Variants in FBLN7 observed in about 807,000 individuals in gnomAD.
The protein encoded by FBLN7 is fibulin 7.
A neutral mutation model predicts 44.0 loss-of-function variants in FBLN7; 31 were observed. The observed-to-expected ratio is 0.70, with a 90% CI of 0.53 to 0.95. FBLN7 has a LOEUF of 0.95. FBLN7 is among the 40% of genes least tolerant of loss of function. The pLI, the probability that FBLN7 is intolerant of heterozygous loss-of-function variation, is 0.00. For synonymous variants in FBLN7, 262 were observed against 253.4 expected (o/e 1.03, Z -0.32); for missense variants, 573 against 618.5 (o/e 0.93, Z 0.78).
At chr2:112,206,138 A>G in the FBLN7 span, among the ~76,000 whole-genome samples, 5 of 152,200 alleles carry the variant, frequency 3.3e-5, no homozygotes, top group African/African-American at 9.7e-5. Context: ...TATTTCATCT[A>G]TAATCTCAAA....
At chr2:112,191,559 A>C (rs1216274935), downstream of FBLN7, among the ~76,000 whole-genome samples, 1 of 152,274 alleles carries the variant, frequency 6.6e-6, no homozygotes, top group East Asian at 1.9e-4. Flanking sequence ...AACATCACCA[A>C]AATAACTACA....
chr2:112,164,966 T>C (rs1558883237), intron 2 of FBLN7, 35 bp from the exon 3 acceptor site: 1 of 1,606,296 alleles, frequency 6.2e-7, no homozygotes, highest in Non-Finnish European at 8.5e-7. Context: ...TGGTCCAGGA[T>C]GAGGAGCTCG....
intron 5 of FBLN7, 30 bp downstream of exon 5, chr2:112,181,906 G>T (rs1200708171): frequency 6.5e-7 from 1 of 1,530,686 alleles, no homozygotes; most frequent in Non-Finnish European, 8.7e-7. Flanking sequence ...GGACACTGGG[G>T]ACAGCACGGG....
At chr2:112,143,026 A>G (rs1376380080) in intron 1 of FBLN7, among the ~76,000 whole-genome samples, 1 of 152,050 alleles carries the variant, frequency 6.6e-6, no homozygotes, top group African/African-American at 2.4e-5. Flanking sequence ...CAGGGTCCAG[A>G]GCAGTGGTCC....
At chr2:112,208,974 C>T in the FBLN7 span, among the ~76,000 whole-genome samples, 1 of 152,104 alleles carries the variant, frequency 6.6e-6, no homozygotes, top group African/African-American at 2.4e-5. Flanking sequence ...GGACAATCCA[C>T]CCCCTCCCCA....
At chr2:112,197,229 G>C in the FBLN7 span, among the ~76,000 whole-genome samples, 4 of 77,542 alleles carry the variant, frequency 5.2e-5, no homozygotes, top group African/African-American at 1.7e-4. Context: ...GCATCCGTAA[G>C]AGAAAACACA....
At chr2:112,184,372 C>T (rs1454965856) in intron 6 of FBLN7, among the ~76,000 whole-genome samples, 2 of 152,166 alleles carry the variant, frequency 1.3e-5, no homozygotes, top group African/African-American at 4.8e-5. Context: ...CGCTGCAGGG[C>T]TCTGAGGAGT....
At chr2:112,173,523 A>G (rs899500774) in intron 3 of FBLN7, among the ~76,000 whole-genome samples, 2 of 152,144 alleles carry the variant, frequency 1.3e-5, no homozygotes, top group African/African-American at 4.8e-5. Flanking sequence ...TAAAAGAAAA[A>G]AGTCAGGAAG....
At chr2:112,140,539 G>A (rs1680590163) in intron 1 of FBLN7, among the ~76,000 whole-genome samples, 1 of 152,202 alleles carries the variant, frequency 6.6e-6, no homozygotes, top group Non-Finnish European at 1.5e-5. Context: ...GGGAGGACCC[G>A]GGCTGGGCTG....
At chr2:112,237,579 ATTT>A in the FBLN7 span, among the ~76,000 whole-genome samples, 1 of 145,614 alleles carries the variant, frequency 6.9e-6, no homozygotes. Flanking sequence ...TAAAATTTTA[ATTT>A]TTTTTTTTTT....
chr2:112,223,046 G>A, the FBLN7 span, among the ~76,000 whole-genome samples: 1 of 151,994 alleles, frequency 6.6e-6, no homozygotes, highest in African/African-American at 2.4e-5. Flanking sequence ...ACTCATAGGT[G>A]GGAATTGAAC....
intron 1 of FBLN7, among the ~76,000 whole-genome samples, chr2:112,144,917 A>G (rs1680834482): frequency 6.6e-6 from 1 of 152,216 alleles, no homozygotes; most frequent in African/African-American, 2.4e-5. Context: ...TAAGCATTCA[A>G]AATATGCTTT....
At chr2:112,167,527 T>C (rs1389085798) in intron 3 of FBLN7, among the ~76,000 whole-genome samples, 1 of 152,160 alleles carries the variant, frequency 6.6e-6, no homozygotes, top group Non-Finnish European at 1.5e-5. Flanking sequence ...GGTCCTGCCG[T>C]GTCCTAACTT....
intron 1 of FBLN7, among the ~76,000 whole-genome samples, chr2:112,145,492 G>A (rs1680860698): frequency 6.6e-6 from 1 of 152,204 alleles, no homozygotes; most frequent in South Asian, 2.1e-4. Flanking sequence ...GGATATGTGA[G>A]TTATAAATAT....
the FBLN7 span, among the ~76,000 whole-genome samples, chr2:112,206,904 A>T: frequency 6.6e-6 from 1 of 150,712 alleles, no homozygotes; most frequent in Non-Finnish European, 1.5e-5. Context: ...GGCAGATTAA[A>T]AAAAGAATTG....
At chr2:112,213,818 TCTA>T in the FBLN7 span, 1 of 146,344 alleles carries the variant, frequency 6.8e-6, no homozygotes, top group Non-Finnish European at 1.5e-5. Context: ...AAAATTTAGT[TCTA>T]CTATTATGTG....
the FBLN7 span, among the ~76,000 whole-genome samples, chr2:112,203,201 G>A: frequency 1.3e-5 from 2 of 152,164 alleles, no homozygotes; most frequent in Non-Finnish European, 2.9e-5. Context: ...TCTCAGGCCA[G>A]CTTGAGGTAC....
In FBLN7 at chr2:112,181,827, C is replaced by T. The variant is rs754197494; in HGVS notation, c.621C>T (p.Cys207=). The T allele has an allele frequency of 5.9e-6, 9 of 1,521,124 alleles. No homozygotes were observed. The South Asian group carries it at 9.6e-5, about 16-fold the overall frequency. The allele number at this position is 1,521,124 out of a possible 1,614,324, so 94.2% of individuals were successfully genotyped here. The stretch of plus-strand genomic sequence containing the variant: ...TGGAGCGGGCTCAGCACTGCAGCTG[C>T]GAGGCCGGATTCCACCTGAGCGGCG... ...AQVERAQHCS[C]EAGFHLSGAA... Residue 207 remains cysteine (C), a synonymous_variant, in exon 5 of 8, where the codon TGC becomes TGT. Coordinates refer to ENST00000331203, the MANE Select transcript of FBLN7 (RefSeq NM_153214.3).
chr2:112,232,047 G>C, the FBLN7 span: 18 of 621,090 alleles, frequency 2.9e-5, no homozygotes, highest in Non-Finnish European at 4.5e-5. Flanking sequence ...TCTGTGGCCG[G>C]GCGAGGTGGC....
Sources: gnomAD v4.1 joint callset for allele counts (sites outside exome capture counted in the v4.1 genomes callset) on GRCh38, gnomAD v4.1.1 for gene constraint, MANE v1.5 for transcripts, NCBI Gene and HGNC (gene_info 2026-07-23, HGNC 2026-07-21) for gene names.